The following SOBP variants were observed in gnomAD, a reference collection of about 807,000 sequenced individuals.
SOBP encodes the protein sine oculis-binding protein homolog.
Under a neutral mutation model 53.6 loss-of-function variants are expected in SOBP, and 4 were observed. The observed-to-expected ratio is 0.07, with a 90% confidence interval of 0.04 to 0.17. The LOEUF (loss-of-function observed/expected upper bound fraction) is 0.17, where lower values mean the gene tolerates loss of function less well. Among genes scored for constraint, SOBP ranks in the 10% least tolerant of loss-of-function variants. The pLI, the probability that SOBP is intolerant of heterozygous loss-of-function variation, is 1.00. For missense variants in SOBP, 1,088 were observed against 1,204.7 expected (o/e 0.90, Z 1.43); for synonymous variants, 584 against 522.6 (o/e 1.12, Z -1.60).
chr6:107,595,587 A>C (rs781521808), intron 5 of SOBP, among the ~76,000 whole-genome samples: 1 of 152,198 alleles, frequency 6.6e-6, no homozygotes, highest in Non-Finnish European at 1.5e-5. Flanking sequence ...CAAGGAAACT[A>C]TACATCATAT....
At chr6:107,592,245 T>G (rs1464737615) in intron 5 of SOBP, among the ~76,000 whole-genome samples, 1 of 152,116 alleles carries the variant, frequency 6.6e-6, no homozygotes, top group Non-Finnish European at 1.5e-5. Flanking sequence ...AGGCCCCTGG[T>G]TCTAAGTGTA....
intron 4 of SOBP, among the ~76,000 whole-genome samples, chr6:107,580,336 C>A (rs1562629846): frequency 6.6e-6 from 1 of 152,080 alleles, no homozygotes; most frequent in East Asian, 1.9e-4. Flanking sequence ...AGAAATAACT[C>A]GTATTTAAGG....
intron 5 of SOBP, among the ~76,000 whole-genome samples, chr6:107,599,891 A>C (rs1330041440): frequency 6.6e-6 from 1 of 152,238 alleles, no homozygotes; most frequent in Non-Finnish European, 1.5e-5. Context: ...GAACAAACAA[A>C]GAAACAAAAA....
At chr6:107,490,759 C>T (rs1167473041) in intron 1 of SOBP, 47 bp downstream of exon 1, 1 of 1,429,348 alleles carries the variant, frequency 7.0e-7, no homozygotes, top group Admixed American at 1.9e-5. Flanking sequence ...CTTTCTTGCG[C>T]CCGCTCCCCG....
intron 3 of SOBP, among the ~76,000 whole-genome samples, chr6:107,507,529 C>G (rs773048825): frequency 1.3e-5 from 2 of 152,118 alleles, no homozygotes; most frequent in Non-Finnish European, 2.9e-5. Context: ...TGGTCTCGAA[C>G]TCCTGACCTC....
chr6:107,562,765 A>T (rs533115042), intron 4 of SOBP, among the ~76,000 whole-genome samples: 1 of 152,312 alleles, frequency 6.6e-6, no homozygotes, highest in Admixed American at 6.5e-5. Flanking sequence ...AAAAGTCTCA[A>T]AAAGGAAACT....
intron 5 of SOBP, among the ~76,000 whole-genome samples, chr6:107,618,557 G>T (rs547285429): frequency 1.4e-4 from 22 of 152,364 alleles, no homozygotes; most frequent in African/African-American, 5.3e-4. Flanking sequence ...CAAAATCAGT[G>T]TGCCAGCAAG....
chr6:107,630,499 T>G (rs548310869), intron 5 of SOBP, among the ~76,000 whole-genome samples: 2 of 152,332 alleles, frequency 1.3e-5, no homozygotes, highest in South Asian at 4.1e-4. Flanking sequence ...TGTCATTAGT[T>G]AGATGTAGAA....
intron 4 of SOBP, among the ~76,000 whole-genome samples, chr6:107,558,777 A>C (rs1443314593): frequency 1.3e-5 from 2 of 151,970 alleles, no homozygotes; most frequent in Non-Finnish European, 2.9e-5. Flanking sequence ...GATACTAGAG[A>C]GATCAGAAAA....
chr6:107,579,712 A>G (rs1375637245), intron 4 of SOBP, among the ~76,000 whole-genome samples: 1 of 152,190 alleles, frequency 6.6e-6, no homozygotes, highest in Non-Finnish European at 1.5e-5. Flanking sequence ...ATTCTCATGG[A>G]GGCCATAAAC....
At position 107,557,299 on chromosome 6, in the gene SOBP, T is replaced by A; in HGVS notation, c.573+23689T>A. 2.0e-5 allele frequency among the ~76,000 whole-genome samples: 3 copies of A among 152,364 alleles called. No homozygotes were observed. In the South Asian group the frequency reaches 6.2e-4, roughly 32 times the overall value. ...ATAAGTAATTAGTGAATACCTCTGA[T>A]AGAAGTGATTTGAAAAGCAAAGATA... On this transcript the variant is annotated intron_variant, in intron 4 of 6. Transcript: ENST00000317357.
rs200319228 is a variant in SOBP, at chr6:107,508,079, CA to C, written c.421+1653del. Among the ~76,000 whole-genome samples, 27 of 152,250 alleles carry C rather than the reference CA, an allele frequency of 1.8e-4. No homozygotes were observed. The East Asian group carries it at 4.8e-3, about 27-fold the overall frequency. ...AATGATAAATACTGAGTTTCAACAG[CA>C]GTACTTATTATAACATACTAAAGCT... On this transcript the variant is annotated intron_variant, in intron 3 of 6. Coordinates refer to ENST00000317357, the MANE Select transcript of SOBP (RefSeq NM_018013.4).
At chr6:107,569,200 C>T (rs1158868091) in intron 4 of SOBP, among the ~76,000 whole-genome samples, 1 of 152,138 alleles carries the variant, frequency 6.6e-6, no homozygotes, top group East Asian at 1.9e-4. Context: ...AAAATGATGC[C>T]AGTGACTCTC....
chr6:107,516,646 A>C (rs1488400071), intron 3 of SOBP, among the ~76,000 whole-genome samples: 1 of 152,210 alleles, frequency 6.6e-6, no homozygotes, highest in Non-Finnish European at 1.5e-5. Context: ...CAGGTTAACT[A>C]TTATAATTTA....
intron 5 of SOBP, among the ~76,000 whole-genome samples, chr6:107,631,405 G>A (rs1284920555): frequency 1.3e-5 from 2 of 152,212 alleles, no homozygotes; most frequent in Middle Eastern, 6.8e-3. Flanking sequence ...TTTCATAGTG[G>A]AATTTAAGTG....
At position 107,490,301 on chromosome 6, in the gene SOBP, G is replaced by GGCAGCGGCA. The variant is rs977742431; in HGVS notation, c.-307_-299dup. 6.6e-6 allele frequency: 1 copy of GGCAGCGGCA among 151,224 alleles called. No individual in the cohort carries two copies. 9.4% of individuals were successfully genotyped at this position (151,224 alleles called of 1,614,324 possible). The stretch of plus-strand genomic sequence containing the variant: ...CGGCAGCGGCAGCGAGGGCGGCAGG[G>GGCAGCGGCA]GCAGCGGCAGCAGCGGCGGCGTTGG... On this transcript the variant is annotated 5_prime_UTR_variant, in exon 1 of 7. Transcript: ENST00000317357.
chr6:107,604,643 G>A (rs1786304053), intron 5 of SOBP, among the ~76,000 whole-genome samples: 1 of 152,088 alleles, frequency 6.6e-6, no homozygotes, highest in Non-Finnish European at 1.5e-5. Context: ...AGCTAAGAAG[G>A]TGAGGTCAGG....
At chr6:107,626,139 A>G (rs1770450526) in intron 5 of SOBP, among the ~76,000 whole-genome samples, 1 of 152,270 alleles carries the variant, frequency 6.6e-6, no homozygotes, top group South Asian at 2.1e-4. Flanking sequence ...TTCAGATAAT[A>G]CATTTTAAAA....
intron 4 of SOBP, among the ~76,000 whole-genome samples, chr6:107,585,113 G>A (rs769375506): frequency 3.3e-5 from 5 of 152,132 alleles, no homozygotes; most frequent in African/African-American, 1.2e-4. Context: ...TTTTGAGGTG[G>A]CATTTTCTAC....
Sources: allele counts gnomAD v4.1 joint callset (sites outside exome capture counted in the v4.1 genomes callset), GRCh38; gene constraint gnomAD v4.1.1; transcripts MANE v1.5; gene names NCBI Gene and HGNC (gene_info 2026-07-23, HGNC 2026-07-21).